DTNA: variants seen among roughly 807,000 people sequenced by gnomAD.
DTNA encodes the protein dystrobrevin alpha, also known as dystrophin-related protein 3.
A neutral mutation model predicts 100.7 loss-of-function variants in DTNA; 43 were observed. That is an observed-to-expected ratio of 0.43 (90% CI 0.33 to 0.55). The LOEUF is 0.55. DTNA is among the 20% of genes least tolerant of loss of function. DTNA has a pLI of 0.04. For synonymous variants in DTNA, 349 were observed against 347.9 expected (o/e 1.00, Z -0.04); for missense variants, 798 against 953.9 (o/e 0.84, Z 2.15).
At chr18:34,495,593 T>C (rs1038443333) in intron 1 of DTNA, among the ~76,000 whole-genome samples, 4 of 152,184 alleles carry the variant, frequency 2.6e-5, no homozygotes, top group Non-Finnish European at 4.4e-5. Context: ...CTGGCGAGAG[T>C]TGGGCGGTTT....
intron 9 of DTNA, chr18:34,825,304 T>C: frequency 6.2e-7 from 1 of 1,613,156 alleles, no homozygotes; most frequent in South Asian, 1.1e-5. Flanking sequence ...TCCAGTCTAC[T>C]TACAAAGATG....
At chr18:34,592,467 A>AACACACACACACACACACAC (rs3078085) in intron 1 of DTNA, among the ~76,000 whole-genome samples, 221 of 139,522 alleles carry the variant, frequency 1.6e-3, no homozygotes, top group African/African-American at 4.7e-3. Flanking sequence ...ACACTTGTAT[A>AACACACACACACACACACAC]ACACACACAC....
intron 1 of DTNA, among the ~76,000 whole-genome samples, chr18:34,714,064 C>G (rs1175972820): frequency 2.0e-5 from 3 of 151,622 alleles, no homozygotes; most frequent in African/African-American, 7.3e-5. Flanking sequence ...TTCCTTACAC[C>G]TTATACAAAA....
At chr18:34,788,349 C>T (rs990758503) in intron 3 of DTNA, among the ~76,000 whole-genome samples, 3 of 152,124 alleles carry the variant, frequency 2.0e-5, no homozygotes, top group Non-Finnish European at 4.4e-5. Flanking sequence ...CTAATGTATA[C>T]TGAATGCTTA....
chr18:34,581,899 G>A (rs1332576025), intron 1 of DTNA, among the ~76,000 whole-genome samples: 2 of 152,100 alleles, frequency 1.3e-5, no homozygotes, highest in Non-Finnish European at 2.9e-5. Flanking sequence ...TGGGATTATA[G>A]GCATGAGCCA....
rs142960774 is a variant in DTNA at position 34,867,778 on chromosome 18, G to T, written c.1743+3716G>T. The T allele has an allele frequency of 7.1e-6, 7 of 985,240 alleles. No individual in the cohort carries two copies. In the African/African-American group the frequency reaches 8.7e-5, roughly 12 times the overall value. 61.0% of individuals were successfully genotyped at this position (985,240 alleles called of 1,614,324 possible). A position where few individuals can be genotyped will look rare whatever the true frequency, so the allele number is the denominator to read the frequency against. On this transcript the variant is annotated intron_variant, in intron 17 of 22. Transcript: ENST00000444659. ...GATGGATGCACAGAGCCAAACTGTG[G>T]CAGTGCCCCCAAGGTGGCGCCACTG...
rs151004282 is a variant in DTNA, at chr18:34,794,831, G to A, written c.362+581G>A. Among the ~76,000 whole-genome samples, 33 of 152,284 alleles carry A rather than the reference G, an allele frequency of 2.2e-4. 1 individual carries two copies. Among genetic ancestry groups the A allele is most frequent in the African/African-American group, 7.9e-4 (33 of 41,582 alleles). On this transcript the variant is annotated intron_variant, in intron 4 of 22. Coordinates refer to ENST00000444659, the MANE Select transcript of DTNA (RefSeq NM_001386795.1). ...TGTATAATTTTCCCTTTTAGAATCA[G>A]AGAATTTCAGGGCTGGCTGAGATCT...
chr18:34,812,426 G>A (rs192508200), intron 6 of DTNA, among the ~76,000 whole-genome samples: 14 of 152,186 alleles, frequency 9.2e-5, no homozygotes, highest in Admixed American at 5.2e-4. Flanking sequence ...AGACATACCC[G>A]AGACTGGGTA....
chr18:34,713,613 C>T (rs1475528290), intron 1 of DTNA, among the ~76,000 whole-genome samples: 7 of 151,358 alleles, frequency 4.6e-5, no homozygotes, highest in African/African-American at 1.5e-4. Context: ...CTTGGCGATG[C>T]GGGCTCTTTT....
At chr18:34,867,285 G>A in intron 17 of DTNA, 2 of 1,231,236 alleles carry the variant, frequency 1.6e-6, no homozygotes, top group Non-Finnish European at 2.0e-6. Flanking sequence ...TGTAAAAAAG[G>A]AAAGTGTAAA....
chr18:34,880,925 CT>C (rs992803068), intron 20 of DTNA, among the ~76,000 whole-genome samples: 27 of 152,246 alleles, frequency 1.8e-4, no homozygotes, highest in African/African-American at 6.3e-4. Flanking sequence ...ATCTATTTGA[CT>C]TTTTATTATT....
At chr18:34,533,090 G>A (rs984210810) in intron 1 of DTNA, among the ~76,000 whole-genome samples, 1 of 152,134 alleles carries the variant, frequency 6.6e-6, no homozygotes, top group Admixed American at 6.5e-5. Flanking sequence ...AGAGAGTGGG[G>A]CTGGATGCAG....
chr18:34,681,414 A>G (rs943134567), intron 1 of DTNA, among the ~76,000 whole-genome samples: 3 of 152,194 alleles, frequency 2.0e-5, no homozygotes, highest in Non-Finnish European at 4.4e-5. Context: ...GTATATCTCA[A>G]TGAATTTTCA....
At chr18:34,638,638 A>G (rs1194627854) in intron 1 of DTNA, among the ~76,000 whole-genome samples, 8 of 152,236 alleles carry the variant, frequency 5.3e-5, no homozygotes, top group Non-Finnish European at 2.9e-5. Context: ...TATATTCTAT[A>G]TGGGAACATG....
chr18:34,626,860 A>G (rs1295470047), intron 1 of DTNA, among the ~76,000 whole-genome samples: 1 of 152,152 alleles, frequency 6.6e-6, no homozygotes, highest in Non-Finnish European at 1.5e-5. Context: ...AGGGTGTCTC[A>G]CCATTAATTT....
chr18:34,851,106 A>T (rs2096469820), intron 14 of DTNA, among the ~76,000 whole-genome samples: 1 of 152,104 alleles, frequency 6.6e-6, no homozygotes, highest in African/African-American at 2.4e-5. Flanking sequence ...ATTTTTATTT[A>T]TTTATTTATT....
chr18:34,552,436 G>C (rs1053723170), intron 1 of DTNA, among the ~76,000 whole-genome samples: 2 of 150,990 alleles, frequency 1.3e-5, no homozygotes, highest in Non-Finnish European at 2.9e-5. Flanking sequence ...GTGCAGGTTA[G>C]TTACATATGT....
intron 1 of DTNA, among the ~76,000 whole-genome samples, chr18:34,629,058 A>G (rs2057726732): frequency 6.6e-6 from 1 of 152,190 alleles, no homozygotes; most frequent in African/African-American, 2.4e-5. Flanking sequence ...ATTTTATTAA[A>G]TTATGAAATG....
At chr18:34,707,680 GA>G (rs1271922185), upstream of DTNA, among the ~76,000 whole-genome samples, 1 of 152,198 alleles carries the variant, frequency 6.6e-6, no homozygotes, top group Non-Finnish European at 1.5e-5. Context: ...CACTCCTGAT[GA>G]AATGAATGCA....
Sources: allele counts gnomAD v4.1 joint callset (sites outside exome capture counted in the v4.1 genomes callset), GRCh38; gene constraint gnomAD v4.1.1; transcripts MANE v1.5; gene names NCBI Gene and HGNC (gene_info 2026-07-23, HGNC 2026-07-21).